Variants in ARAP1 observed in about 807,000 individuals in gnomAD.
ARAP1 encodes the protein arf-GAP with Rho-GAP domain, ANK repeat and PH domain-containing protein 1.
ARAP1 carries 76 observed loss-of-function variants against 172.2 expected under a neutral mutation model. That is an observed-to-expected ratio of 0.44 (90% CI 0.37 to 0.53). ARAP1 has a LOEUF of 0.53. ARAP1 is among the 20% of genes least tolerant of loss of function. ARAP1 has a pLI of 0.00. For synonymous variants in ARAP1, 804 were observed against 803.3 expected (o/e 1.00, Z -0.01); for missense variants, 1,686 against 1,977.5 (o/e 0.85, Z 2.80).
At chr11:72,706,185 T>C (rs1169226249) in intron 12 of ARAP1, among the ~76,000 whole-genome samples, 1 of 152,144 alleles carries the variant, frequency 6.6e-6, no homozygotes, top group Non-Finnish European at 1.5e-5. Context: ...GGTGATCTCT[T>C]TAAAATGTAA....
intron 5 of ARAP1, 133 bp from the exon 6 acceptor site, chr11:72,712,701 A>G (rs1411877402): frequency 1.4e-6 from 2 of 1,414,298 alleles, no homozygotes; most frequent in South Asian, 2.4e-5. Flanking sequence ...GTTTCCTCAC[A>G]CTCCCCTCCC....
Position 72,685,450 on chromosome 11 carries a change from C to A in ARAP1, c.*214G>T. 1.6e-6 allele frequency: 1 copy of A among 629,658 alleles called. No individual in the cohort carries two copies. Among genetic ancestry groups the A allele is most frequent in the Non-Finnish European group, 2.8e-6 (1 of 361,408 alleles). The allele number at this position is 629,658 out of a possible 1,614,324, so 39.0% of individuals were successfully genotyped here. On this transcript the variant is annotated 3_prime_UTR_variant, in exon 35 of 35. Transcript: ENST00000393609. ...GGGCCAAGAGGTCTGAACACCTGGA[C>A]AGAGTTGGGAGAGGTTCCTGCCCAG...
rs749999273 is a variant in ARAP1, at chr11:72,696,991, T to A, written c.3158A>T (p.Glu1053Val). 12 of 1,605,078 alleles carry A rather than the reference T, an allele frequency of 7.5e-6. No individual in the cohort carries two copies. The South Asian group carries it at 1.3e-4, about 18-fold the overall frequency. Residue 1053 changes from glutamate to valine, a missense_variant, in exon 22 of 35, where the codon GAG (glutamate) becomes GTG (valine). Physicochemically the swap from Glu to Val is moderately radical, Grantham distance 121. This residue lies in a region of ARAP1 where 274 missense variants were observed against 262.7 expected (regional missense o/e 1.04). Transcript: ENST00000393609. ...FTRAQRLTWL[E>V]ASEIEDEEEK... is the part of the protein sequence containing the mutation. ...CGGGCTGCAGGGCCCACCTGAGGCCTCCAGCCAGGTTAGGCGCTGGGCGCG... is the reference window on the plus strand; with the variant it reads ...CGGGCTGCAGGGCCCACCTGAGGCCACCAGCCAGGTTAGGCGCTGGGCGCG...
At chr11:72,748,938 C>T (rs937427350) in intron 1 of ARAP1, among the ~76,000 whole-genome samples, 2 of 152,180 alleles carry the variant, frequency 1.3e-5, no homozygotes, top group African/African-American at 4.8e-5. Flanking sequence ...TCCCCACCCA[C>T]CAAATCCTCA....
Position 72,697,954 on chromosome 11 carries a change from C to T in ARAP1, c.2694G>A (p.Gly898=). The T allele has an allele frequency of 2.5e-6, 4 of 1,611,196 alleles. No homozygotes were observed. Among genetic ancestry groups the T allele is most frequent in the South Asian group, 2.2e-5 (2 of 90,768 alleles). ...GTAGTTGCAGCGGCTCTTCGCAGGG[C>T]CCCTCCGGGAAGACAGCACGGAGCT... ...GSELRAVFPE[G]PCEEPLQLRK... is the part of the protein sequence containing the mutation. The change falls in exon 19 of 35, where the codon GGG becomes GGA. Residue 898 remains glycine (G), a synonymous_variant. Transcript: ENST00000393609.
intron 3 of ARAP1, chr11:72,722,398 C>A (rs1434786450): frequency 1.0e-6 from 1 of 976,238 alleles, no homozygotes; most frequent in African/African-American, 1.7e-5. Context: ...CTCCCCGCCC[C>A]CAGGCTGCAC....
chr11:72,692,688 C>T, intron 30 of ARAP1, 65 bp downstream of exon 30: 2 of 1,601,152 alleles, frequency 1.2e-6, no homozygotes, highest in East Asian at 2.2e-5. Context: ...TCCCCATGCT[C>T]CCACCCAGCT....
rs12275647 is a variant in ARAP1, at chr11:72,744,467, G to A, written c.-128+7861C>T. 8.3e-3 allele frequency among the ~76,000 whole-genome samples: 1,270 copies of A among 152,210 alleles called. 31 individuals are homozygous for A. The highest frequency in any genetic ancestry group is 0.028 in the African/African-American group (1,173 of 41,524). Reference sequence around the variant, plus strand: ...TACTATAGTTCTACTACCCAGCCCTGCCTTCTCGACCAGTACCACACAACC... The same window carrying A: ...TACTATAGTTCTACTACCCAGCCCTACCTTCTCGACCAGTACCACACAACC... On this transcript the variant is annotated intron_variant, in intron 1 of 34. Coordinates refer to ENST00000393609, the MANE Select transcript of ARAP1 (RefSeq NM_001040118.3).
At chr11:72,691,983 C>T (rs1855952650) in intron 30 of ARAP1, among the ~76,000 whole-genome samples, 3 of 152,164 alleles carry the variant, frequency 2.0e-5, no homozygotes, top group South Asian at 2.1e-4. Context: ...AATCTAACGC[C>T]GCTGCTGACC....
intron 3 of ARAP1, chr11:72,722,439 A>T: frequency 1.2e-6 from 1 of 812,056 alleles, no homozygotes; most frequent in African/African-American, 1.9e-5. Context: ...GACAACCAAC[A>T]GTGTCCACTG....
chr11:72,726,754 CG>C lies in ARAP1; in HGVS notation c.374del (p.Pro125ArgfsTer29). The C allele has an allele frequency of 8.6e-7, 1 of 1,168,070 alleles. No individual in the cohort carries two copies. Among genetic ancestry groups the C allele is most frequent in the Non-Finnish European group, 1.1e-6 (1 of 887,908 alleles). 72.4% of individuals were successfully genotyped at this position (1,168,070 alleles called of 1,614,324 possible). On this transcript the variant is annotated frameshift_variant, in exon 3 of 35. Coordinates refer to ENST00000393609, the MANE Select transcript of ARAP1 (RefSeq NM_001040118.3). LOFTEE classifies it high-confidence loss of function. The surrounding 1 kb of genome is among the most constrained non-coding windows in gnomAD (Gnocchi z 6.5). ...PPIPPRRSCLPPTCFTTPSTA... is the reference protein window; with the variant it reads ...PPIPPRRSCLXPTCFTTPSTA... ...TGGATGGGGTGGTGAAGCAGGTGGGCGGAAGGCAGCTCCTCCGGGGCGGGAT... is the reference window on the plus strand; with the variant it reads ...TGGATGGGGTGGTGAAGCAGGTGGGCGAAGGCAGCTCCTCCGGGGCGGGAT...
At chr11:72,694,895 G>A (rs1445116503) in intron 27 of ARAP1, 85 bp downstream of exon 27, 1 of 1,169,882 alleles carries the variant, frequency 8.5e-7, no homozygotes, top group East Asian at 2.4e-5. Flanking sequence ...CCATCCTCAT[G>A]TGCAGGGTAG....
Position 72,702,953 on chromosome 11 carries a change from C to T in ARAP1, c.2119G>A (p.Ala707Thr). ...APTPLALAEQAGQTLQMEFLR... is the reference protein window; with the variant it reads ...APTPLALAEQTGQTLQMEFLR... ...AATTCCATCTGCAGCGTCTGCCCCG[C>T]CTGCTCTGCAAGAGCCAGGGGCGTG... Residue 707 changes from alanine (A) to threonine (T), a missense_variant, in exon 15 of 35, where the codon GCG (alanine) becomes ACG (threonine). Around this residue, in one of 5 missense-constraint regions of ARAP1, gnomAD observed 688 missense variants for 856.9 expected, o/e 0.80. Coordinates refer to ENST00000393609, the MANE Select transcript of ARAP1 (RefSeq NM_001040118.3). 1 of 1,567,634 alleles carries T rather than the reference C, an allele frequency of 6.4e-7. No homozygotes were observed. The highest frequency in any genetic ancestry group is 8.7e-7 in the Non-Finnish European group (1 of 1,155,730).
intron 2 of ARAP1, among the ~76,000 whole-genome samples, chr11:72,728,827 G>A (rs535826933): frequency 5.9e-5 from 9 of 152,182 alleles, no homozygotes; most frequent in Non-Finnish European, 1.5e-5. Context: ...GTTCTGGATA[G>A]AAGACAACAT....
chr11:72,706,149 G>C (rs1039363985), intron 12 of ARAP1, among the ~76,000 whole-genome samples: 1 of 152,176 alleles, frequency 6.6e-6, no homozygotes, highest in Non-Finnish European at 1.5e-5. Context: ...CCTCTTGCAG[G>C]CCACTCTTAA....
At position 72,699,996 on chromosome 11, in the gene ARAP1, AG is replaced by A. The variant is rs1387153195; in HGVS notation, c.2303-445del. On this transcript the variant is annotated intron_variant, in intron 16 of 34. Transcript: ENST00000393609. This position sits in a 1 kb window ranked among gnomAD's most constrained non-coding sequence, Gnocchi z 4.2. ...CCTCTACCCACCACCTGAATGTCAC[AG>A]GAAGCCTTCTATGCCCCAACCTCCT... 5.7e-6 allele frequency: 1 copy of A among 175,252 alleles called. No homozygotes were observed. Among genetic ancestry groups the A allele is most frequent in the Non-Finnish European group, 1.2e-5 (1 of 80,934 alleles). 10.9% of individuals were successfully genotyped at this position (175,252 alleles called of 1,614,324 possible).
At chr11:72,721,938 C>A (rs1857529690) in intron 3 of ARAP1, 1 of 986,404 alleles carries the variant, frequency 1.0e-6, no homozygotes, top group Middle Eastern at 5.2e-4. Flanking sequence ...GTGTACCTGC[C>A]CGTGCAAGCC....
intron 1 of ARAP1, among the ~76,000 whole-genome samples, chr11:72,749,204 CAA>C (rs1858464035): frequency 6.6e-6 from 1 of 152,160 alleles, no homozygotes; most frequent in Non-Finnish European, 1.5e-5. Context: ...GGGAGGTGCT[CAA>C]AGAGTAAGAT....
chr11:72,726,990 T>C lies in ARAP1; in HGVS notation c.139A>G (p.Met47Val). The change falls in exon 3 of 35, where the codon ATG (methionine) becomes GTG (valine). Residue 47 changes from methionine to valine, a missense_variant. By Grantham distance (21) the Met-to-Val change is conservative (BLOSUM62 1). Transcript: ENST00000393609. The surrounding 1 kb of genome is among the most constrained non-coding windows in gnomAD (Gnocchi z 6.5). Reference protein sequence around the residue: ...ECQGLSDTRLMDMGMLLPGHR... With the variant: ...ECQGLSDTRLVDMGMLLPGHR... ...CCAGGGAGTAGCATGCCCATGTCCATCAGGCGGGTGTCGCTGAGGCCTTGG... is the reference window on the plus strand; with the variant it reads ...CCAGGGAGTAGCATGCCCATGTCCACCAGGCGGGTGTCGCTGAGGCCTTGG... 1.2e-6 allele frequency: 2 copies of C among 1,605,584 alleles called. No homozygotes were observed. The highest frequency in any genetic ancestry group is 1.7e-6 in the Non-Finnish European group (2 of 1,176,378).
Sources: allele counts gnomAD v4.1 joint callset (sites outside exome capture counted in the v4.1 genomes callset), GRCh38; gene constraint gnomAD v4.1.1; regional missense constraint gnomAD v4.1.1; non-coding constraint Gnocchi (gnomAD v3.1); transcripts MANE v1.5; gene names NCBI Gene and HGNC (gene_info 2026-07-23, HGNC 2026-07-21).